The following HS3ST4 variants were observed in gnomAD, a reference collection of about 807,000 sequenced individuals.
The protein encoded by HS3ST4 is heparan sulfate glucosamine 3-O-sulfotransferase 4.
Under a neutral mutation model 29.2 loss-of-function variants are expected in HS3ST4, and 17 were observed. The observed-to-expected ratio is 0.58, with a 90% CI of 0.40 to 0.87. The LOEUF (loss-of-function observed/expected upper bound fraction) is 0.87. Among genes scored for constraint, HS3ST4 ranks in the 40% least tolerant of loss-of-function variants. The pLI is 0.00. For synonymous variants in HS3ST4, 314 were observed against 285.7 expected (o/e 1.10, Z -1.00); for missense variants, 627 against 634.5 (o/e 0.99, Z 0.13).
At chr16:26,120,051 AAG>A (rs1899251550) in intron 1 of HS3ST4, among the ~76,000 whole-genome samples, 1 of 74,584 alleles carries the variant, frequency 1.3e-5, no homozygotes, top group African/African-American at 9.1e-5. Flanking sequence ...GAGCTGAAGG[AAG>A]TGTGTGTGTG....
chr16:26,098,735 A>C (rs1898957834), intron 1 of HS3ST4, among the ~76,000 whole-genome samples: 1 of 145,356 alleles, frequency 6.9e-6, no homozygotes, highest in Non-Finnish European at 1.5e-5. Flanking sequence ...AAGTATAATA[A>C]AAAAAAAAGA....
At chr16:25,849,424 C>T (rs1051773138) in intron 1 of HS3ST4, among the ~76,000 whole-genome samples, 11 of 152,214 alleles carry the variant, frequency 7.2e-5, no homozygotes, top group Admixed American at 5.9e-4. Flanking sequence ...AATTCTGAAT[C>T]GTTTTGGTAT....
At chr16:26,011,360 G>T (rs1411366913) in intron 1 of HS3ST4, among the ~76,000 whole-genome samples, 1 of 152,100 alleles carries the variant, frequency 6.6e-6, no homozygotes, top group East Asian at 1.9e-4. Context: ...AGGCGTTTGA[G>T]ACCAGCCTGA....
intron 1 of HS3ST4, among the ~76,000 whole-genome samples, chr16:26,087,321 A>G (rs1898801903): frequency 6.6e-6 from 1 of 152,238 alleles, no homozygotes; most frequent in Non-Finnish European, 1.5e-5. Flanking sequence ...GCAAGCCCCA[A>G]GCTGTGCTGG....
chr16:25,899,891 G>A (rs4548875), intron 1 of HS3ST4, among the ~76,000 whole-genome samples: 31,202 of 151,982 alleles, frequency 0.21, 3,421 homozygotes, highest in Admixed American at 0.27. Flanking sequence ...AACATAAGAA[G>A]GATGGGTCAA....
chr16:25,736,259 T>C (rs60504089), intron 1 of HS3ST4, among the ~76,000 whole-genome samples: 30,250 of 152,186 alleles, frequency 0.2, 4,035 homozygotes, highest in East Asian at 0.63. Context: ...ATGACCACCC[T>C]TTGTCATCAT....
intron 1 of HS3ST4, among the ~76,000 whole-genome samples, chr16:25,937,495 G>A (rs143229994): frequency 6.6e-6 from 1 of 152,288 alleles, no homozygotes; most frequent in Non-Finnish European, 1.5e-5. Context: ...GGGCATTCCA[G>A]GCAGAGGAAC....
chr16:26,050,978 G>A (rs1330690217), intron 1 of HS3ST4, among the ~76,000 whole-genome samples: 1 of 152,134 alleles, frequency 6.6e-6, no homozygotes, highest in Non-Finnish European at 1.5e-5. Context: ...CTGGAATGGA[G>A]GGAACCACGT....
chr16:25,841,635 A>G (rs1391603396), intron 1 of HS3ST4, among the ~76,000 whole-genome samples: 6 of 152,102 alleles, frequency 3.9e-5, no homozygotes. Flanking sequence ...CTAATATTTT[A>G]TTCCTTCAGA....
chr16:25,811,728 C>T (rs557563755), intron 1 of HS3ST4, among the ~76,000 whole-genome samples: 10 of 152,202 alleles, frequency 6.6e-5, no homozygotes, highest in East Asian at 1.9e-4. Context: ...CCACTGCGCC[C>T]GGCCAGTAAC....
chr16:25,902,997 G>A (rs1368393345), intron 1 of HS3ST4, among the ~76,000 whole-genome samples: 2 of 150,468 alleles, frequency 1.3e-5, no homozygotes, highest in Non-Finnish European at 2.9e-5. Flanking sequence ...CTCCAGCCTG[G>A]GTGATGGAGT....
intron 1 of HS3ST4, among the ~76,000 whole-genome samples, chr16:25,856,422 C>T (rs114005135): frequency 0.013 from 1,984 of 151,770 alleles, 53 homozygotes; most frequent in African/African-American, 0.046. Context: ...TCAGTTATGC[C>T]TGCATTAAGA....
At chr16:26,105,353 A>G (rs193076705) in intron 1 of HS3ST4, among the ~76,000 whole-genome samples, 29 of 152,284 alleles carry the variant, frequency 1.9e-4, no homozygotes, top group Middle Eastern at 6.8e-3. Flanking sequence ...AAGAGTGGGG[A>G]GGGAGGGGAG....
intron 1 of HS3ST4, among the ~76,000 whole-genome samples, chr16:26,020,053 C>T (rs369841572): frequency 3.9e-5 from 6 of 152,214 alleles, no homozygotes; most frequent in Middle Eastern, 3.4e-3. Context: ...CCCTAAACAC[C>T]GCCCCCCCTA....
chr16:25,907,325 A>G (rs934454173), intron 1 of HS3ST4, among the ~76,000 whole-genome samples: 1 of 152,192 alleles, frequency 6.6e-6, no homozygotes, highest in Non-Finnish European at 1.5e-5. Context: ...TCAGTAGGAA[A>G]GCTTAGTGAT....
rs1454078244 is a variant in HS3ST4, at chr16:25,692,897, A to G, written c.480A>G (p.Glu160=). ...CTCAGAGCGCGCTGCCGGAGAGGGA[A>G]GCGCAGGAGTCCAGCACCACCGACG... is the stretch of plus-strand genomic sequence containing the variant. ...ITAQSALPER[E]AQESSTTDED... The change falls in exon 1 of 2, where the codon GAA becomes GAG. Residue 160 remains glutamate (E), a synonymous_variant. Coordinates refer to ENST00000331351, the MANE Select transcript of HS3ST4 (RefSeq NM_006040.3). The G allele has an allele frequency of 5.7e-6, 9 of 1,578,676 alleles. No homozygotes were observed. The highest frequency in any genetic ancestry group is 2.3e-5 in the East Asian group (1 of 42,626).
intron 1 of HS3ST4, among the ~76,000 whole-genome samples, chr16:26,030,476 C>T (rs113576523): frequency 0.045 from 6,792 of 152,246 alleles, 172 homozygotes; most frequent in Middle Eastern, 0.15. Flanking sequence ...AATAAATCAA[C>T]GCAAAGCACC....
At chr16:25,787,865 C>A (rs1283864195) in intron 1 of HS3ST4, among the ~76,000 whole-genome samples, 1 of 152,118 alleles carries the variant, frequency 6.6e-6, no homozygotes, top group South Asian at 2.1e-4. Flanking sequence ...GTCAAGGTTG[C>A]TGGTGGAGGA....
At chr16:25,756,171 CA>C (rs1966757741) in intron 1 of HS3ST4, among the ~76,000 whole-genome samples, 2 of 151,700 alleles carry the variant, frequency 1.3e-5, no homozygotes, top group Admixed American at 6.6e-5. Flanking sequence ...CACACACACA[CA>C]CACACCCTGC....
Sources: allele counts gnomAD v4.1 joint callset (sites outside exome capture counted in the v4.1 genomes callset), GRCh38; gene constraint gnomAD v4.1.1; transcripts MANE v1.5; gene names NCBI Gene and HGNC (gene_info 2026-07-23, HGNC 2026-07-21).